LRRC8D: variants seen among roughly 807,000 people sequenced by gnomAD.
LRRC8D encodes the protein volume-regulated anion channel subunit LRRC8D.
Under a neutral mutation model 55.8 loss-of-function variants are expected in LRRC8D, and 20 were observed. That is an observed-to-expected ratio of 0.36 (90% CI 0.25 to 0.52). The LOEUF (loss-of-function observed/expected upper bound fraction) is 0.52, where lower values mean the gene tolerates loss of function less well. Among genes scored for constraint, LRRC8D ranks in the 20% least tolerant of loss-of-function variants. The probability of loss-of-function intolerance (pLI) is 0.93; values close to 1 mark genes in which losing one functional copy is unlikely to be tolerated. For missense variants in LRRC8D, 651 were observed against 1,030.8 expected (o/e 0.63, Z 5.05); for synonymous variants, 352 against 377.0 (o/e 0.93, Z 0.77).
At chr1:89,870,375 C>A (rs550436877) in intron 2 of LRRC8D, among the ~76,000 whole-genome samples, 5 of 151,786 alleles carry the variant, frequency 3.3e-5, no homozygotes, top group African/African-American at 9.7e-5. Context: ...ACACGGGAGG[C>A]TGAGGCAGGA....
intron 2 of LRRC8D, among the ~76,000 whole-genome samples, chr1:89,930,701 G>T (rs1158039591): frequency 6.6e-6 from 1 of 151,836 alleles, no homozygotes; most frequent in Non-Finnish European, 1.5e-5. Context: ...ATAAACCTGT[G>T]CAAGGTGTAC....
Position 89,873,983 on chromosome 1 carries a change from G to C in LRRC8D, c.-3+30201G>C, listed in dbSNP as rs1303356208. Among the ~76,000 whole-genome samples, 4 of 152,132 alleles carry C rather than the reference G, an allele frequency of 2.6e-5. No individual in the cohort carries two copies. The South Asian group carries it at 6.2e-4, about 24-fold the overall frequency. On this transcript the variant is annotated intron_variant, in intron 2 of 2. Coordinates refer to ENST00000337338, the MANE Select transcript of LRRC8D (RefSeq NM_001134479.2). ...ATAGATCTAAGCCAGACCACATGTA[G>C]CAGTAAATGTTATTTATCACTATGG...
At position 89,882,955 on chromosome 1, in the gene LRRC8D, C is replaced by T. The variant is rs2802032; in HGVS notation, c.-3+39173C>T. ...AATGTGGAGAGATTAGGAGGGAGGACGAGGGCAGATAGTGGATGGGGCTTC... is the reference window on the plus strand; with the variant it reads ...AATGTGGAGAGATTAGGAGGGAGGATGAGGGCAGATAGTGGATGGGGCTTC... On this transcript the variant is annotated intron_variant, in intron 2 of 2. Transcript: ENST00000337338. Among the ~76,000 whole-genome samples, 1,141 of 152,136 alleles carry T rather than the reference C, an allele frequency of 7.5e-3. 8 individuals are homozygous for T. The highest frequency in any genetic ancestry group is 0.026 in the African/African-American group (1,094 of 41,486).
intron 2 of LRRC8D, among the ~76,000 whole-genome samples, chr1:89,909,604 C>A (rs562233151): frequency 6.6e-6 from 1 of 152,074 alleles, no homozygotes; most frequent in South Asian, 2.1e-4. Flanking sequence ...CGGTGGCTCA[C>A]GCCTGTAATC....
At chr1:89,907,165 TC>T (rs1329192757) in intron 2 of LRRC8D, among the ~76,000 whole-genome samples, 1 of 148,952 alleles carries the variant, frequency 6.7e-6, no homozygotes, top group Non-Finnish European at 1.5e-5. Context: ...GTGTTGGGCT[TC>T]CTGTCTTCCA....
At chr1:89,867,971 G>A (rs1381951307) in intron 2 of LRRC8D, among the ~76,000 whole-genome samples, 1 of 152,158 alleles carries the variant, frequency 6.6e-6, no homozygotes, top group African/African-American at 2.4e-5. Flanking sequence ...CTGTTGGCAG[G>A]TTAGGTTTTA....
chr1:89,872,425 G>A (rs1662032295), intron 2 of LRRC8D, among the ~76,000 whole-genome samples: 2 of 152,182 alleles, frequency 1.3e-5, no homozygotes, highest in African/African-American at 4.8e-5. Context: ...TACTCTCTAC[G>A]AGGATCTTTC....
chr1:89,853,239 T>C (rs904653552), intron 2 of LRRC8D, among the ~76,000 whole-genome samples: 1 of 152,202 alleles, frequency 6.6e-6, no homozygotes, highest in Non-Finnish European at 1.5e-5. Flanking sequence ...TTTGATGACT[T>C]ACATCTGAAG....
chr1:89,850,069 A>T (rs1287198803), intron 2 of LRRC8D, among the ~76,000 whole-genome samples: 1 of 152,184 alleles, frequency 6.6e-6, no homozygotes, highest in Non-Finnish European at 1.5e-5. Context: ...CGAAGTATTA[A>T]CCCAATTTTT....
chr1:89,919,471 G>A lies in LRRC8D; in HGVS notation c.-2-13596G>A, dbSNP rs138414236. ...GGGTGTCAGGGATATGCTATGCCAG[G>A]TATATGCTAGAAGAAATACTATTAA... On this transcript the variant is annotated intron_variant, in intron 2 of 2. Coordinates refer to ENST00000337338, the MANE Select transcript of LRRC8D (RefSeq NM_001134479.2). Among the ~76,000 whole-genome samples the A allele has an allele frequency of 2.5e-3, 384 of 152,316 alleles. 5 individuals carry two copies. The highest frequency in any genetic ancestry group is 8.7e-3 in the African/African-American group (360 of 41,568).
intron 2 of LRRC8D, among the ~76,000 whole-genome samples, chr1:89,889,054 G>T (rs1042159631): frequency 1.3e-5 from 2 of 152,182 alleles, no homozygotes; most frequent in African/African-American, 4.8e-5. Context: ...AATGTGGGAA[G>T]GCAGAGAAAC....
intron 2 of LRRC8D, among the ~76,000 whole-genome samples, chr1:89,904,162 G>A (rs947468395): frequency 1.3e-5 from 2 of 152,196 alleles, no homozygotes; most frequent in African/African-American, 4.8e-5. Flanking sequence ...CTATCTGGAA[G>A]GATCGTCCTC....
intron 1 of LRRC8D, among the ~76,000 whole-genome samples, chr1:89,842,063 A>AT: frequency 6.6e-6 from 1 of 152,122 alleles, no homozygotes; most frequent in Non-Finnish European, 1.5e-5. Flanking sequence ...ATACAAAAAA[A>AT]TTAGCTGGGC....
At chr1:89,902,855 T>C in intron 2 of LRRC8D, among the ~76,000 whole-genome samples, 1 of 152,242 alleles carries the variant, frequency 6.6e-6, no homozygotes, top group East Asian at 1.9e-4. Flanking sequence ...GGGTTCAGTC[T>C]GGTTGCCTAG....
At chr1:89,832,378 C>T (rs1444986664) in intron 1 of LRRC8D, among the ~76,000 whole-genome samples, 2 of 152,152 alleles carry the variant, frequency 1.3e-5, no homozygotes, top group South Asian at 2.1e-4. Flanking sequence ...AGGGGAACAA[C>T]GTCTTTTCAT....
chr1:89,831,873 A>G (rs1009510655), intron 1 of LRRC8D, among the ~76,000 whole-genome samples: 4 of 152,234 alleles, frequency 2.6e-5, no homozygotes, highest in Non-Finnish European at 4.4e-5. Flanking sequence ...GTTAGAGTAC[A>G]AAGCATCATT....
rs1663832622 is a variant in LRRC8D, at chr1:89,935,627, C to T, written c.2559C>T (p.Pro853=). 6.2e-7 allele frequency: 1 copy of T among 1,613,690 alleles called. No individual in the cohort carries two copies. Among genetic ancestry groups the T allele is most frequent in the South Asian group, 1.1e-5 (1 of 91,060 alleles). ...KEALNQDINI[P]FANGI is the part of the protein sequence containing the mutation. ...CATTGAATCAAGACATAAATATTCCCTTTGCAAATGGGATTTAAACTAAGA... is the reference window on the plus strand; with the variant it reads ...CATTGAATCAAGACATAAATATTCCTTTTGCAAATGGGATTTAAACTAAGA... Residue 853 remains proline, a synonymous_variant, in exon 3 of 3, where the codon CCC becomes CCT. Transcript: ENST00000337338.
intron 2 of LRRC8D, among the ~76,000 whole-genome samples, chr1:89,903,448 T>C (rs1449706226): frequency 2.0e-5 from 3 of 152,226 alleles, no homozygotes; most frequent in Non-Finnish European, 4.4e-5. Context: ...AAAATTAAAG[T>C]TGTCTGCTGT....
chr1:89,871,885 GTTTT>G (rs1241448995), intron 2 of LRRC8D, among the ~76,000 whole-genome samples: 2 of 152,062 alleles, frequency 1.3e-5, no homozygotes, highest in African/African-American at 4.8e-5. Flanking sequence ...TTGTTTGTTT[GTTTT>G]GTTTTGCTTG....
Sources: gnomAD v4.1 joint callset for allele counts (sites outside exome capture counted in the v4.1 genomes callset) on GRCh38, gnomAD v4.1.1 for gene constraint, MANE v1.5 for transcripts, NCBI Gene and HGNC (gene_info 2026-07-23, HGNC 2026-07-21) for gene names.